COL14A1: variants seen among roughly 807,000 people sequenced by gnomAD.
COL14A1 encodes the protein collagen alpha-1(XIV) chain.
A neutral mutation model predicts 230.3 loss-of-function variants in COL14A1; 136 were observed. That is an observed-to-expected ratio of 0.59 (90% CI 0.51 to 0.68). The LOEUF is 0.68. COL14A1 is among the 30% of genes least tolerant of loss of function. The pLI is 0.00. For missense variants in COL14A1, 1,976 were observed against 2,215.8 expected, an observed-to-expected ratio of 0.89 and a Z score of 2.17; for synonymous variants, 792 against 784.1, an observed-to-expected ratio of 1.01 and a Z score of -0.17.
In COL14A1 at chr8:120,280,100, G is replaced by A; in HGVS notation, c.3646+1G>A. The A allele has an allele frequency of 6.2e-7, 1 of 1,613,574 alleles. No homozygotes were observed. The highest frequency in any genetic ancestry group is 8.5e-7 in the Non-Finnish European group (1 of 1,179,666). On this transcript the variant is annotated splice_donor_variant, in intron 29 of 47. Transcript: ENST00000297848. LOFTEE classifies it high-confidence loss of function. Reference sequence around the variant, plus strand: ...TTTGTCTGCGAAACAGCATCAGCAAGTTAGTTCTTTGGAATTTGTACTTAC... The same window carrying A: ...TTTGTCTGCGAAACAGCATCAGCAAATTAGTTCTTTGGAATTTGTACTTAC...
rs762064528 is a variant in COL14A1 at position 120,345,435 on chromosome 8, G to A, written c.4949G>A (p.Arg1650Gln). 5.6e-6 allele frequency: 9 copies of A among 1,602,754 alleles called. No homozygotes were observed. The highest frequency in any genetic ancestry group is 1.7e-5 in the Admixed American group (1 of 58,254). Residue 1650 changes from arginine to glutamine, a missense_variant, in exon 45 of 48, where the codon CGG becomes CAG. Arg to Gln is a conservative substitution (Grantham distance 43). Around this residue, in one of 3 missense-constraint regions of COL14A1, gnomAD observed 1,791 missense variants for 2,019.5 expected, o/e 0.89. Transcript: ENST00000297848. ...NQIPSHSSSI[R>Q]TVQGPPGEPG... is the part of the protein sequence containing the mutation. ...ATTCCCAGCCACTCCTCATCCATCCGGACTGTCCAAGGGCCTCCTGGGGAG... is the reference window on the plus strand; with the variant it reads ...ATTCCCAGCCACTCCTCATCCATCCAGACTGTCCAAGGGCCTCCTGGGGAG...
At chr8:120,272,399 G>A (rs1048463426) in intron 26 of COL14A1, among the ~76,000 whole-genome samples, 7 of 151,504 alleles carry the variant, frequency 4.6e-5, no homozygotes, top group African/African-American at 1.7e-4. Context: ...AGAAAACAAA[G>A]TACTTAGGTA....
intron 1 of COL14A1, 118 bp from the exon 2 acceptor site, chr8:120,147,687 AG>A: frequency 1.8e-6 from 1 of 561,630 alleles, no homozygotes. Context: ...ACGATGCTCT[AG>A]GGAATTAATT....
At chr8:120,155,654 C>T (rs1815449675) in intron 2 of COL14A1, among the ~76,000 whole-genome samples, 1 of 152,186 alleles carries the variant, frequency 6.6e-6, no homozygotes, top group African/African-American at 2.4e-5. Flanking sequence ...AGCTTTCTTT[C>T]AGCAGCTCAT....
chr8:120,216,291 T>G (rs748690863), intron 13 of COL14A1, 60 bp from the exon 14 acceptor site: 4 of 1,446,352 alleles, frequency 2.8e-6, no homozygotes, highest in Non-Finnish European at 1.9e-6. Context: ...AAGATGCAAT[T>G]TCTTTTTACA....
chr8:120,221,545 T>TAC (rs908974335), intron 14 of COL14A1, among the ~76,000 whole-genome samples: 17 of 129,568 alleles, frequency 1.3e-4, no homozygotes, highest in African/African-American at 4.8e-4. Flanking sequence ...TTTTAACAGA[T>TAC]ACACACACAC....
chr8:120,218,018 T>C (rs1004409542), intron 14 of COL14A1, among the ~76,000 whole-genome samples: 2 of 142,660 alleles, frequency 1.4e-5, no homozygotes, highest in Non-Finnish European at 3.0e-5. Flanking sequence ...TTAAATTATA[T>C]ATTATAAATA....
At chr8:120,244,066 C>T (rs1818694108) in intron 20 of COL14A1, 58 bp downstream of exon 20, 1 of 1,572,502 alleles carries the variant, frequency 6.4e-7, no homozygotes, top group Non-Finnish European at 8.6e-7. Flanking sequence ...AAATGCTTGT[C>T]CCCTGTAATG....
intron 42 of COL14A1, among the ~76,000 whole-genome samples, chr8:120,333,836 ATC>A (rs1821954116): frequency 1.3e-5 from 2 of 152,202 alleles, no homozygotes; most frequent in Non-Finnish European, 1.5e-5. Flanking sequence ...GCAATGTTGC[ATC>A]TCTCTGGCCT....
At chr8:120,365,474 C>T (rs72678248) in intron 45 of COL14A1, among the ~76,000 whole-genome samples, 2,331 of 152,238 alleles carry the variant, frequency 0.015, 33 homozygotes, top group South Asian at 0.036. Context: ...GCTAAATTCC[C>T]GGATGCACAT....
chr8:120,332,080 G>T, intron 40 of COL14A1, 61 bp from the exon 41 acceptor site: 1 of 1,427,302 alleles, frequency 7.0e-7, no homozygotes, highest in Non-Finnish European at 9.9e-7. Context: ...AACTAAATGA[G>T]CCCATTCTGA....
chr8:120,321,946 A>G (rs1821464558), intron 40 of COL14A1, among the ~76,000 whole-genome samples: 1 of 152,134 alleles, frequency 6.6e-6, no homozygotes, highest in Admixed American at 6.6e-5. Flanking sequence ...TGGAATTGCT[A>G]GATAGTATAT....
intron 14 of COL14A1, 109 bp from the exon 15 acceptor site, chr8:120,224,979 T>C: frequency 1.0e-6 from 1 of 954,774 alleles, no homozygotes; most frequent in African/African-American, 1.7e-5. Context: ...TAATTTGTTT[T>C]GCAGTGTTTA....
chr8:120,245,337 T>C (rs1206806439), intron 20 of COL14A1, among the ~76,000 whole-genome samples: 1 of 152,192 alleles, frequency 6.6e-6, no homozygotes, highest in African/African-American at 2.4e-5. Flanking sequence ...TGGGGCCTCA[T>C]CAATACTGTT....
At chr8:120,357,373 A>T (rs539638224) in intron 45 of COL14A1, among the ~76,000 whole-genome samples, 1 of 152,232 alleles carries the variant, frequency 6.6e-6, no homozygotes, top group Admixed American at 6.5e-5. Context: ...ATGGTTGAGA[A>T]TTCATTTTCA....
intron 2 of COL14A1, among the ~76,000 whole-genome samples, chr8:120,157,130 A>G (rs1815507034): frequency 6.6e-6 from 1 of 152,216 alleles, no homozygotes; most frequent in South Asian, 2.1e-4. Context: ...GACCTACACA[A>G]AAAGTAACAC....
At chr8:120,333,571 A>G (rs535572419) in intron 42 of COL14A1, among the ~76,000 whole-genome samples, 1 of 152,270 alleles carries the variant, frequency 6.6e-6, no homozygotes, top group South Asian at 2.1e-4. Flanking sequence ...ATGGATGAGG[A>G]TGGAAGCATC....
intron 45 of COL14A1, among the ~76,000 whole-genome samples, chr8:120,360,226 A>G (rs1417731720): frequency 6.6e-6 from 1 of 152,228 alleles, no homozygotes; most frequent in African/African-American, 2.4e-5. Context: ...ATTGCCTTGT[A>G]GCACCCAGAA....
intron 38 of COL14A1, 79 bp downstream of exon 38, chr8:120,314,106 T>A: frequency 9.5e-7 from 1 of 1,052,702 alleles, no homozygotes; most frequent in Non-Finnish European, 1.4e-6. Context: ...ACTTTTGTCT[T>A]CTGTGTCTTA....
Sources: allele counts gnomAD v4.1 joint callset (sites outside exome capture counted in the v4.1 genomes callset), GRCh38; gene constraint gnomAD v4.1.1; regional missense constraint gnomAD v4.1.1; transcripts MANE v1.5; gene names NCBI Gene and HGNC (gene_info 2026-07-23, HGNC 2026-07-21).